The following TNFRSF10C variants were observed in gnomAD, a reference collection of about 807,000 sequenced individuals.
TNFRSF10C encodes TNF receptor superfamily member 10c, also known as tumor necrosis factor receptor superfamily member 10C.
In TNFRSF10C, 17 loss-of-function variants were observed where a neutral mutation model predicts 16.7. The observed-to-expected ratio is 1.02, with a 90% CI of 0.70 to 1.53. The LOEUF is 1.53. Ranked by LOEUF, TNFRSF10C falls within the 40% of genes most tolerant of loss-of-function variation. The pLI is 0.00. For missense variants in TNFRSF10C, 237 were observed against 329.7 expected, an observed-to-expected ratio of 0.72 and a Z score of 2.18; for synonymous variants, 73 against 119.7, an observed-to-expected ratio of 0.61 and a Z score of 2.55.
rs750542227 is a variant in TNFRSF10C, at chr8:23,117,040, A to G, written c.*9A>G. The stretch of plus-strand genomic sequence containing the variant: ...TGATTGTGTTTGTTTGAAAGACTTC[A>G]CTGTGGAAGAAATTCCTTCCTTACC... On this transcript the variant is annotated 3_prime_UTR_variant, in exon 5 of 5. Coordinates refer to ENST00000356864, the MANE Select transcript of TNFRSF10C (RefSeq NM_003841.5). The G allele has an allele frequency of 3.1e-6, 5 of 1,611,508 alleles. No homozygotes were observed. In the East Asian group the frequency reaches 8.9e-5, roughly 29 times the overall value.
At chr8:23,108,494 C>G (rs1037701471) in intron 1 of TNFRSF10C, among the ~76,000 whole-genome samples, 1 of 152,202 alleles carries the variant, frequency 6.6e-6, no homozygotes, top group Non-Finnish European at 1.5e-5. Flanking sequence ...GGGGACCCCT[C>G]TCCTGTCCTG....
intron 3 of TNFRSF10C, 124 bp downstream of exon 3, chr8:23,114,894 A>G: frequency 1.4e-6 from 1 of 729,104 alleles, no homozygotes; most frequent in South Asian, 1.7e-5. Flanking sequence ...CTGTTCTATG[A>G]TTATATATTT....
At chr8:23,104,893 G>A (rs935279705) in intron 1 of TNFRSF10C, among the ~76,000 whole-genome samples, 3 of 152,148 alleles carry the variant, frequency 2.0e-5, no homozygotes, top group Non-Finnish European at 4.4e-5. Flanking sequence ...GAAAACCCTG[G>A]TCAGTTGGGG....
intron 1 of TNFRSF10C, chr8:23,103,624 A>G (rs1254917508): frequency 5.1e-6 from 1 of 195,942 alleles, no homozygotes; most frequent in Non-Finnish European, 1.1e-5. Flanking sequence ...GTCTTTAGCA[A>G]CTTTCACCTC....
Position 23,115,563 on chromosome 8 carries a change from AG to A in TNFRSF10C, c.337del (p.Glu113LysfsTer56). On this transcript the variant is annotated frameshift_variant, in exon 4 of 5. Transcript: ENST00000356864. LOFTEE classifies it high-confidence loss of function. ...CCAGAGACACAGTGTGTCAGTGTAA[AG>A]AAGGCACCTTCCGGAATGAAAACTC... is the stretch of plus-strand genomic sequence containing the variant. ...MTRDTVCQCK[E>X]GTFRNENSPE... is the part of the protein sequence containing the mutation. 1 of 1,613,642 alleles carries A rather than the reference AG, an allele frequency of 6.2e-7. No individual in the cohort carries two copies. Among genetic ancestry groups the A allele is most frequent in the Non-Finnish European group, 8.5e-7 (1 of 1,179,786 alleles).
chr8:23,114,878 A>T (rs1470767898), intron 3 of TNFRSF10C, 108 bp downstream of exon 3: 3 of 848,024 alleles, frequency 3.5e-6, no homozygotes, highest in African/African-American at 3.3e-5. Context: ...CCTGGTCTTC[A>T]TCACCCTGTT....
At chr8:23,107,829 A>G (rs902991425) in intron 1 of TNFRSF10C, among the ~76,000 whole-genome samples, 2 of 152,226 alleles carry the variant, frequency 1.3e-5, no homozygotes, top group Non-Finnish European at 2.9e-5. Flanking sequence ...GCAAGACTCA[A>G]CTATATCTTG....
chr8:23,116,696 T>A lies in TNFRSF10C; in HGVS notation c.445T>A (p.Cys149Ser). 2 of 1,614,122 alleles carry A rather than the reference T, an allele frequency of 1.2e-6. No individual in the cohort carries two copies. The highest frequency in any genetic ancestry group is 1.7e-6 in the Non-Finnish European group (2 of 1,180,016). The change falls in exon 5 of 5, where the codon TGT (cysteine) becomes AGT (serine). Residue 149 changes from cysteine (C) to serine (S), a missense_variant. By Grantham distance (112) the Cys-to-Ser change is moderately radical. Transcript: ENST00000356864. ...TTGTACGTCCTGGGATGATATCCAG[T>A]GTGTTGAAGAATTTGGTGCCAATGC... ...SNCTSWDDIQ[C>S]VEEFGANATV...
chr8:23,110,820 T>TTG (rs953323121), intron 1 of TNFRSF10C, among the ~76,000 whole-genome samples: 66 of 152,058 alleles, frequency 4.3e-4, no homozygotes, highest in African/African-American at 1.5e-3. Context: ...CTGTGTGTAT[T>TTG]TGTGTGTGTG....
chr8:23,111,932 T>C, intron 2 of TNFRSF10C, 107 bp downstream of exon 2: 1 of 1,155,882 alleles, frequency 8.7e-7, no homozygotes, highest in Non-Finnish European at 1.2e-6. Flanking sequence ...CATTGTGGAA[T>C]GGCTAAATCA....
intron 1 of TNFRSF10C, among the ~76,000 whole-genome samples, chr8:23,109,234 A>G (rs1373999821): frequency 6.6e-6 from 1 of 152,226 alleles, no homozygotes; most frequent in African/African-American, 2.4e-5. Context: ...AGCTATGAGT[A>G]TATTAAAAAC....
chr8:23,107,742 A>C (rs1466431109), intron 1 of TNFRSF10C, among the ~76,000 whole-genome samples: 1 of 152,242 alleles, frequency 6.6e-6, no homozygotes, highest in South Asian at 2.1e-4. Flanking sequence ...TATTTCAACT[A>C]TATCAATTAT....
At chr8:23,105,438 T>C (rs1813758231) in intron 1 of TNFRSF10C, among the ~76,000 whole-genome samples, 2 of 152,162 alleles carry the variant, frequency 1.3e-5, no homozygotes, top group African/African-American at 2.4e-5. Context: ...GGGCAGAAGC[T>C]TCTGAAGACT....
At position 23,114,737 on chromosome 8, in the gene TNFRSF10C, C is replaced by G. The variant is rs192946577; in HGVS notation, c.247C>G (p.Pro83Ala). The change falls in exon 3 of 5, where the codon CCT (proline) becomes GCT (alanine). Residue 83 changes from proline (P) to alanine (A), a missense_variant. By Grantham distance (27) the Pro-to-Ala change is conservative. Coordinates refer to ENST00000356864, the MANE Select transcript of TNFRSF10C (RefSeq NM_003841.5). ...TTACACCAACGCTTCCAACAATGAA[C>G]CTTCTTGCTTCCCATGTACAGTTTG... ...VDYTNASNNEPSCFPCTVCKS... is the reference protein window; with the variant it reads ...VDYTNASNNEASCFPCTVCKS... 1 of 1,614,086 alleles carries G rather than the reference C, an allele frequency of 6.2e-7. No individual in the cohort carries two copies. The highest frequency in any genetic ancestry group is 8.5e-7 in the Non-Finnish European group (1 of 1,179,942).
chr8:23,115,088 C>G (rs955884090), intron 3 of TNFRSF10C, among the ~76,000 whole-genome samples: 1 of 151,660 alleles, frequency 6.6e-6, no homozygotes, highest in Non-Finnish European at 1.5e-5. Flanking sequence ...CTCTCTCCCC[C>G]AGGCTCTGTG....
At chr8:23,104,401 A>G (rs529840739) in intron 1 of TNFRSF10C, among the ~76,000 whole-genome samples, 1 of 152,342 alleles carries the variant, frequency 6.6e-6, no homozygotes, top group East Asian at 1.9e-4. Context: ...CTGCATGGGT[A>G]AGCCACATTT....
intron 1 of TNFRSF10C, among the ~76,000 whole-genome samples, chr8:23,105,050 C>T (rs574937905): frequency 8.6e-5 from 13 of 150,386 alleles, no homozygotes; most frequent in African/African-American, 3.0e-4. Context: ...CCAATCTGTG[C>T]GCCAGGTCCT....
Position 23,102,952 on chromosome 8 carries a change from C to A in TNFRSF10C, c.-170C>A. On this transcript the variant is annotated 5_prime_UTR_variant, in exon 1 of 5. Transcript: ENST00000356864. ...GCAGCTGTGGGAACCTCTCCACGCG[C>A]ACGAACTCAGCCAACGATTTCTGAT... 1 of 1,503,748 alleles carries A rather than the reference C, an allele frequency of 6.7e-7. No individual in the cohort carries two copies. The highest frequency in any genetic ancestry group is 8.9e-7 in the Non-Finnish European group (1 of 1,119,428). The allele number at this position is 1,503,748 out of a possible 1,614,324, so 93.2% of individuals were successfully genotyped here.
intron 1 of TNFRSF10C, among the ~76,000 whole-genome samples, chr8:23,108,947 T>A (rs1217316842): frequency 1.3e-5 from 2 of 149,352 alleles, no homozygotes; most frequent in African/African-American, 4.9e-5. Context: ...CAGAGAATTC[T>A]AAAATTTTGA....
Sources: allele counts gnomAD v4.1 joint callset (sites outside exome capture counted in the v4.1 genomes callset), GRCh38; gene constraint gnomAD v4.1.1; transcripts MANE v1.5; gene names NCBI Gene and HGNC (gene_info 2026-07-23, HGNC 2026-07-21).